The following SAMD13 variants were observed in gnomAD, a reference collection of about 807,000 sequenced individuals.
SAMD13 encodes the protein sterile alpha motif domain containing 13, also known as sterile alpha motif domain-containing protein 13.
In SAMD13, 9 loss-of-function variants were observed where a neutral mutation model predicts 12.4. That is an observed-to-expected ratio of 0.72 (90% CI 0.44 to 1.26). SAMD13 has a LOEUF of 1.26. Ranked by LOEUF, SAMD13 falls within the 50% of genes most tolerant of loss-of-function variation. The pLI, the probability that SAMD13 is intolerant of heterozygous loss-of-function variation, is 0.00. For missense variants in SAMD13, 84 were observed against 119.6 expected (o/e 0.70, Z 1.39); for synonymous variants, 46 against 45.4 (o/e 1.01, Z -0.05).
chr1:84,329,923 C>G (rs1195115581), intron 3 of SAMD13, among the ~76,000 whole-genome samples: 1 of 152,166 alleles, frequency 6.6e-6, no homozygotes, highest in Non-Finnish European at 1.5e-5. Flanking sequence ...GCGTACTGCA[C>G]TCATTCAGCT....
At chr1:84,319,179 T>G (rs1026450920) in intron 2 of SAMD13, among the ~76,000 whole-genome samples, 1 of 152,224 alleles carries the variant, frequency 6.6e-6, no homozygotes, top group African/African-American at 2.4e-5. Context: ...GAGACCATTG[T>G]GCTGTGGCTC....
rs1012140440 is a variant in SAMD13, at chr1:84,302,954, A to C, written c.-32-249A>C. On this transcript the variant is annotated intron_variant, in intron 1 of 3. Transcript: ENST00000394834. ...CAGCACTTGTTTTCAACGAGGATTC[A>C]ATTTCATTTGCAAATGCTTATTGTC... 2.7e-5 allele frequency: 9 copies of C among 335,292 alleles called. No homozygotes were observed. The East Asian group carries it at 4.5e-4, about 17-fold the overall frequency. 20.8% of individuals were successfully genotyped at this position (335,292 alleles called of 1,614,324 possible). A position where few individuals can be genotyped will look rare whatever the true frequency, so the allele number is the denominator to read the frequency against.
At chr1:84,310,015 A>G (rs1678673961) in intron 2 of SAMD13, among the ~76,000 whole-genome samples, 1 of 152,192 alleles carries the variant, frequency 6.6e-6, no homozygotes, top group African/African-American at 2.4e-5. Context: ...CAAATATTTT[A>G]TAAATTAACA....
At chr1:84,328,335 G>A (rs1229038127) in intron 3 of SAMD13, among the ~76,000 whole-genome samples, 2 of 152,166 alleles carry the variant, frequency 1.3e-5, no homozygotes, top group Admixed American at 1.3e-4. Context: ...GGAGAAGTGA[G>A]CATCGTCTTG....
intron 2 of SAMD13, among the ~76,000 whole-genome samples, chr1:84,311,027 G>A (rs1027694274): frequency 1.3e-4 from 20 of 152,030 alleles, no homozygotes; most frequent in Admixed American, 2.0e-4. Context: ...TTATTCAGTC[G>A]TTTTTGTCTT....
chr1:84,299,683 A>G (rs1307117157), upstream of SAMD13: 1 of 908,392 alleles, frequency 1.1e-6, no homozygotes, highest in Non-Finnish European at 1.4e-6. Flanking sequence ...ATATTTATTT[A>G]TTTATTTATT....
chr1:84,301,472 C>T, upstream of SAMD13: 1 of 264,770 alleles, frequency 3.8e-6, no homozygotes, highest in Non-Finnish European at 5.9e-6. Context: ...GCTTGTTTTT[C>T]TTTGTACAAG....
At chr1:84,299,755 G>T, upstream of SAMD13, 1 of 481,168 alleles carries the variant, frequency 2.1e-6, no homozygotes, top group South Asian at 9.7e-5. Context: ...GAAACCTGTT[G>T]TCATAATTTA....
intron 2 of SAMD13, among the ~76,000 whole-genome samples, chr1:84,311,345 A>AG (rs1159585287): frequency 4.9e-4 from 73 of 148,960 alleles, no homozygotes; most frequent in Non-Finnish European, 5.3e-4. Flanking sequence ...AAAAAAAAAA[A>AG]AAAAAGAAAA....
At chr1:84,339,923 G>C (rs1170787175) in intron 3 of SAMD13, among the ~76,000 whole-genome samples, 2 of 152,218 alleles carry the variant, frequency 1.3e-5, no homozygotes, top group South Asian at 2.1e-4. Context: ...TGAGGTTATA[G>C]AAAGGGATGA....
intron 3 of SAMD13, among the ~76,000 whole-genome samples, chr1:84,331,407 A>G (rs1679183343): frequency 6.6e-6 from 1 of 150,466 alleles, no homozygotes; most frequent in Non-Finnish European, 1.5e-5. Context: ...ATTAGCTTTC[A>G]TGGCAAATCT....
intron 3 of SAMD13, chr1:84,344,910 G>C (rs1389669900): frequency 4.4e-6 from 2 of 456,596 alleles, no homozygotes; most frequent in Non-Finnish European, 4.4e-6. Context: ...AAGGGAAACA[G>C]AGGAGATGGC....
At chr1:84,333,891 C>T (rs374940143) in intron 3 of SAMD13, among the ~76,000 whole-genome samples, 11 of 152,100 alleles carry the variant, frequency 7.2e-5, no homozygotes, top group South Asian at 2.1e-4. Context: ...CCTTGCTTCC[C>T]GGGGATAAAG....
At chr1:84,337,009 C>T (rs1679310972) in intron 3 of SAMD13, among the ~76,000 whole-genome samples, 1 of 152,340 alleles carries the variant, frequency 6.6e-6, no homozygotes, top group Non-Finnish European at 1.5e-5. Flanking sequence ...GACTCCATGT[C>T]TCAAATCCAG....
At chr1:84,347,799 G>C (rs1679563828) in intron 3 of SAMD13, among the ~76,000 whole-genome samples, 2 of 152,144 alleles carry the variant, frequency 1.3e-5, no homozygotes, top group South Asian at 4.1e-4. Flanking sequence ...CCAACTCTCA[G>C]ACATGCAGGT....
chr1:84,307,414 A>G (rs112655169), intron 2 of SAMD13, among the ~76,000 whole-genome samples: 2 of 152,172 alleles, frequency 1.3e-5, no homozygotes, highest in South Asian at 4.1e-4. Flanking sequence ...CCATGGCACA[A>G]CTTAACATAT....
chr1:84,306,684 A>C (rs1340253700), intron 2 of SAMD13, among the ~76,000 whole-genome samples: 1 of 143,782 alleles, frequency 7.0e-6, no homozygotes, highest in Non-Finnish European at 1.5e-5. Flanking sequence ...GAGAGAAATT[A>C]GCCAGGTGTG....
intron 3 of SAMD13, among the ~76,000 whole-genome samples, chr1:84,340,774 G>T (rs1679406548): frequency 6.6e-6 from 1 of 152,188 alleles, no homozygotes; most frequent in Non-Finnish European, 1.5e-5. Flanking sequence ...CTTATGTGAT[G>T]GTTAATGTAT....
chr1:84,308,803 G>T (rs1295503050), intron 2 of SAMD13, among the ~76,000 whole-genome samples: 2 of 151,934 alleles, frequency 1.3e-5, no homozygotes, highest in Non-Finnish European at 2.9e-5. Flanking sequence ...TTAAAAAAAA[G>T]CCAGTTTATT....
Sources: gnomAD v4.1 joint callset for allele counts (sites outside exome capture counted in the v4.1 genomes callset) on GRCh38, gnomAD v4.1.1 for gene constraint, MANE v1.5 for transcripts, NCBI Gene and HGNC (gene_info 2026-07-23, HGNC 2026-07-21) for gene names.